Variants in S100A4 observed in about 807,000 individuals in gnomAD.
The protein encoded by S100A4 is S100 calcium binding protein A4.
A neutral mutation model predicts 6.3 loss-of-function variants in S100A4; 4 were observed. That is an observed-to-expected ratio of 0.64 (90% CI 0.31 to 1.46). The LOEUF is 1.46. Among genes scored for constraint, S100A4 ranks in the 40% most tolerant of loss-of-function variants. The pLI is 0.07. For synonymous variants in S100A4, 44 were observed against 47.6 expected (o/e 0.92, Z 0.32); for missense variants, 108 against 120.8 (o/e 0.89, Z 0.50).
chr1:153,544,869 A>T, intron 1 of S100A4, 60 bp from the exon 2 acceptor site: 2 of 1,592,694 alleles, frequency 1.3e-6, no homozygotes, highest in Non-Finnish European at 1.7e-6. Context: ...ATGTGTTCAG[A>T]ATGCCAGGCT....
chr1:153,545,049 C>T (rs1571238758), intron 1 of S100A4: 1 of 469,966 alleles, frequency 2.1e-6, no homozygotes, highest in East Asian at 3.7e-5. Context: ...ATTCGGGCAG[C>T]AAACTCCCAG....
rs941530141 is a variant in S100A4, at chr1:153,544,979, G to A, written c.-15-170C>T. 4.3e-6 allele frequency: 3 copies of A among 701,472 alleles called. No homozygotes were observed. The East Asian group carries it at 8.2e-5, about 19-fold the overall frequency. The allele number at this position is 701,472 out of a possible 1,614,324, so 43.5% of individuals were successfully genotyped here. A position where few individuals can be genotyped will look rare whatever the true frequency, so the allele number is the denominator to read the frequency against. On this transcript the variant is annotated intron_variant, in intron 1 of 2. Transcript: ENST00000368716. Reference sequence around the variant, plus strand: ...GCACCTGGCTGGGAGGGTGTGCACAGTGGGGAACACATGCTCTGGGCAGTG... The same window carrying A: ...GCACCTGGCTGGGAGGGTGTGCACAATGGGGAACACATGCTCTGGGCAGTG...
intron 1 of S100A4, 36 bp from the exon 2 acceptor site, chr1:153,544,845 C>A: frequency 6.2e-7 from 1 of 1,611,698 alleles, no homozygotes; most frequent in Non-Finnish European, 8.5e-7. Context: ...TCTTATTAAT[C>A]CCACCCCTCA....
chr1:153,545,059 G>A lies in S100A4; in HGVS notation c.-15-250C>T, dbSNP rs1271586950. ...TGGAGATTCGGGCAGCAAACTCCCA[G>A]GGCCTCCCAGGCCTTGCCTCAACAA... On this transcript the variant is annotated intron_variant, in intron 1 of 2. Coordinates refer to ENST00000368716, the MANE Select transcript of S100A4 (RefSeq NM_002961.3). 5 of 447,078 alleles carry A rather than the reference G, an allele frequency of 1.1e-5. No homozygotes were observed. The Admixed American group carries it at 1.7e-4, about 15-fold the overall frequency. 27.7% of individuals were successfully genotyped at this position (447,078 alleles called of 1,614,324 possible).
At chr1:153,544,934 G>A in intron 1 of S100A4, 125 bp from the exon 2 acceptor site, 3 of 1,254,352 alleles carry the variant, frequency 2.4e-6, no homozygotes, top group Non-Finnish European at 3.3e-6. Context: ...CCCTGGGGGA[G>A]CCCAGAGCAG....
In S100A4 at chr1:153,543,830, G is replaced by C. The variant is rs374302682; in HGVS notation, c.235C>G (p.Leu79Val). 3.5e-5 allele frequency: 57 copies of C among 1,614,092 alleles called. No homozygotes were observed. Among genetic ancestry groups the C allele is most frequent in the Non-Finnish European group, 4.7e-5 (55 of 1,180,036 alleles). Reference protein sequence around the residue: ...EVDFQEYCVFLSCIAMMCNEF... With the variant: ...EVDFQEYCVFVSCIAMMCNEF... ...TTACACATCATGGCGATGCAGGACAGGAAGACACAGTACTCTTGGAAGTCC... is the reference window on the plus strand; with the variant it reads ...TTACACATCATGGCGATGCAGGACACGAAGACACAGTACTCTTGGAAGTCC... The change falls in exon 3 of 3, where the codon CTG (leucine) becomes GTG (valine). Residue 79 changes from leucine to valine, a missense_variant. Transcript: ENST00000368716.
At position 153,544,785 on chromosome 1, in the gene S100A4, G is replaced by C; in HGVS notation, c.10C>G (p.Pro4Ala). ...ATCACATCCAGGGCCTTCTCCAGAG[G>C]GCACGCCATGACAGCAGTCAGGATC... MAC[P>A]LEKALDVMVS... The change falls in exon 2 of 3, where the codon CCT (proline) becomes GCT (alanine). Residue 4 changes from proline (P) to alanine (A), a missense_variant. Transcript: ENST00000368716. The C allele has an allele frequency of 1.2e-6, 2 of 1,614,148 alleles. No individual in the cohort carries two copies. Among genetic ancestry groups the C allele is most frequent in the Non-Finnish European group, 1.7e-6 (2 of 1,180,006 alleles).
rs1484447650 is a variant in S100A4, at chr1:153,543,823, C to T, written c.242G>A (p.Cys81Tyr). ...GAATTCGTTACACATCATGGCGATGCAGGACAGGAAGACACAGTACTCTTG... is the reference window on the plus strand; with the variant it reads ...GAATTCGTTACACATCATGGCGATGTAGGACAGGAAGACACAGTACTCTTG... ...DFQEYCVFLS[C>Y]IAMMCNEFFE... The change falls in exon 3 of 3, where the codon TGC becomes TAC. Residue 81 changes from cysteine to tyrosine, a missense_variant. Cys to Tyr is a radical substitution (Grantham distance 194). Transcript: ENST00000368716. 6.2e-7 allele frequency: 1 copy of T among 1,614,076 alleles called. No homozygotes were observed. Among genetic ancestry groups the T allele is most frequent in the Non-Finnish European group, 8.5e-7 (1 of 1,180,030 alleles).
chr1:153,544,016 G>C, intron 2 of S100A4, 93 bp from the exon 3 acceptor site: 9 of 1,440,812 alleles, frequency 6.2e-6, no homozygotes, highest in Non-Finnish European at 7.6e-6. Flanking sequence ...AGAGTTCAGG[G>C]AGGCTCCTTT....
In S100A4 at chr1:153,544,603, C is replaced by T. The variant is rs770384521; in HGVS notation, c.141+51G>A. 1.9e-6 allele frequency: 3 copies of T among 1,608,940 alleles called. No individual in the cohort carries two copies. The African/African-American group carries it at 4.1e-5, about 22-fold the overall frequency. On this transcript the variant is annotated intron_variant, in intron 2 of 2. Transcript: ENST00000368716. ...GCTCTAGAGCAAGACTGCTGCCCTC[C>T]TCTGTGGGAAATGCCCCACGTGGGG...
In S100A4 at chr1:153,544,635, T is replaced by A. The variant is rs1274683391; in HGVS notation, c.141+19A>T. The A allele has an allele frequency of 6.2e-7, 1 of 1,614,104 alleles. No homozygotes were observed. The highest frequency in any genetic ancestry group is 8.5e-7 in the Non-Finnish European group (1 of 1,179,972). ...GGAAATGCCCCACGTGGGGACTCAC[T>A]CAGGCACTACCCACTCACCCCCAAG... On this transcript the variant is annotated intron_variant, in intron 2 of 2. Coordinates refer to ENST00000368716, the MANE Select transcript of S100A4 (RefSeq NM_002961.3).
intron 1 of S100A4, 173 bp from the exon 2 acceptor site, chr1:153,544,982 G>A: frequency 1.5e-6 from 1 of 679,072 alleles, no homozygotes; most frequent in Non-Finnish European, 2.4e-6. Flanking sequence ...GTGCACAGTG[G>A]GGAACACATG....
chr1:153,545,025 C>A (rs1299853770), intron 1 of S100A4: 5 of 527,526 alleles, frequency 9.5e-6, no homozygotes, highest in Middle Eastern at 1.0e-3. Flanking sequence ...AGATCCGCTG[C>A]GCAAGCTCTG....
rs772419349 is a variant in S100A4, at chr1:153,544,619, C to T, written c.141+35G>A. The T allele has an allele frequency of 2.5e-6, 4 of 1,612,908 alleles. No individual in the cohort carries two copies. In the African/African-American group the frequency reaches 5.4e-5, roughly 22 times the overall value. ...GCTGCCCTCCTCTGTGGGAAATGCC[C>T]CACGTGGGGACTCACTCAGGCACTA... On this transcript the variant is annotated intron_variant, in intron 2 of 2. Coordinates refer to ENST00000368716, the MANE Select transcript of S100A4 (RefSeq NM_002961.3).
chr1:153,544,395 G>A (rs1476929184), intron 2 of S100A4, among the ~76,000 whole-genome samples: 1 of 152,144 alleles, frequency 6.6e-6, no homozygotes, highest in African/African-American at 2.4e-5. Flanking sequence ...TGACCACCTT[G>A]GGAAGTTACT....
intron 1 of S100A4, chr1:153,545,070 G>T: frequency 1.7e-5 from 7 of 417,958 alleles, no homozygotes; most frequent in Non-Finnish European, 1.8e-5. Flanking sequence ...GGCCTCCCAG[G>T]CCTTGCCTCA....
Position 153,544,766 on chromosome 1 carries a change from T to C in S100A4, c.29A>G (p.Asp10Gly), listed in dbSNP as rs1803245. 21 of 1,614,178 alleles carry C rather than the reference T, an allele frequency of 1.3e-5. No individual in the cohort carries two copies. Among genetic ancestry groups the C allele is most frequent in the Non-Finnish European group, 1.6e-5 (19 of 1,180,014 alleles). MACPLEKALDVMVSTFHKYS... is the reference protein window; with the variant it reads MACPLEKALGVMVSTFHKYS... ...CTTGTGGAAGGTGGACACCATCACA[T>C]CCAGGGCCTTCTCCAGAGGGCACGC... is the stretch of plus-strand genomic sequence containing the variant. The change falls in exon 2 of 3, where the codon GAT becomes GGT. Residue 10 changes from aspartate to glycine, a missense_variant. Coordinates refer to ENST00000368716, the MANE Select transcript of S100A4 (RefSeq NM_002961.3).
chr1:153,543,634 A>G lies in S100A4; in HGVS notation c.*125T>C. ...ACCATCAGCCTCAAAACTTCCAAGA[A>G]TCTTTATTGAACTTGCTCAGCATCA... is the stretch of plus-strand genomic sequence containing the variant. On this transcript the variant is annotated 3_prime_UTR_variant, in exon 3 of 3. Transcript: ENST00000368716. 1 of 973,714 alleles carries G rather than the reference A, an allele frequency of 1.0e-6. No individual in the cohort carries two copies. Among genetic ancestry groups the G allele is most frequent in the Non-Finnish European group, 1.6e-6 (1 of 642,240 alleles). 60.3% of individuals were successfully genotyped at this position (973,714 alleles called of 1,614,324 possible). A position where few individuals can be genotyped will look rare whatever the true frequency, so the allele number is the denominator to read the frequency against.
At chr1:153,545,138 A>T (rs977922998) in intron 1 of S100A4, 1 of 233,058 alleles carries the variant, frequency 4.3e-6, no homozygotes, top group Non-Finnish European at 8.7e-6. Flanking sequence ...CTCAGCCACA[A>T]AGGCCCCGCC....
Sources: allele counts gnomAD v4.1 joint callset (sites outside exome capture counted in the v4.1 genomes callset), GRCh38; gene constraint gnomAD v4.1.1; transcripts MANE v1.5; gene names NCBI Gene and HGNC (gene_info 2026-07-23, HGNC 2026-07-21).